Variants in CCN3 observed in about 807,000 individuals in gnomAD.
The protein encoded by CCN3 is cellular communication network factor 3.
A neutral mutation model predicts 33.4 loss-of-function variants in CCN3; 20 were observed. The ratio of observed to expected loss-of-function variants is 0.60; its 90% CI spans 0.42 to 0.87. The LOEUF (loss-of-function observed/expected upper bound fraction) is 0.87, where lower values mean the gene tolerates loss of function less well. Ranked by LOEUF, CCN3 falls within the 40% of genes least tolerant of loss-of-function variation. The pLI is 0.00. For synonymous variants in CCN3, 205 were observed against 170.4 expected (o/e 1.20, Z -1.58); for missense variants, 465 against 455.3 (o/e 1.02, Z -0.19).
chr8:119,418,385 A>G, intron 3 of CCN3, 76 bp downstream of exon 3: 1 of 1,539,500 alleles, frequency 6.5e-7, no homozygotes, highest in South Asian at 1.3e-5. Flanking sequence ...AATCTCTTGG[A>G]TTTGAAAAGA....
intron 2 of CCN3, 50 bp from the exon 3 acceptor site, chr8:119,418,006 CTT>C: frequency 6.4e-7 from 1 of 1,557,614 alleles, no homozygotes; most frequent in Non-Finnish European, 8.8e-7. Context: ...GTATTGTGTT[CTT>C]GTTTTTCCTC....
rs766858025 is a variant in CCN3, at chr8:119,416,854, G to A, written c.195G>A (p.Leu65=). Residue 65 remains leucine (L), a synonymous_variant, in exon 2 of 5, where the codon CTG becomes CTA. Transcript: ENST00000259526. ...TGCTGGACGGCTGCTCATGCTGTCT[G>A]GTGTGTGCCCGCCAGCGTGGCGAGA... ...RAVLDGCSCC[L]VCARQRGESC... 8 of 1,613,268 alleles carry A rather than the reference G, an allele frequency of 5.0e-6. No individual in the cohort carries two copies. The highest frequency in any genetic ancestry group is 6.8e-6 in the Non-Finnish European group (8 of 1,179,890).
At chr8:119,421,316 G>T (rs935150972) in intron 4 of CCN3, among the ~76,000 whole-genome samples, 1 of 152,134 alleles carries the variant, frequency 6.6e-6, no homozygotes, top group South Asian at 2.1e-4. Context: ...GCCGACAGTG[G>T]TTCTTAAAGG....
At chr8:119,419,484 G>A in intron 4 of CCN3, 139 bp downstream of exon 4, 2 of 772,476 alleles carry the variant, frequency 2.6e-6, no homozygotes, top group Admixed American at 2.8e-5. Context: ...AAAAGGCAGT[G>A]GGGTTCTTGA....
At chr8:119,420,710 C>G (rs1191507267) in intron 4 of CCN3, among the ~76,000 whole-genome samples, 4 of 152,074 alleles carry the variant, frequency 2.6e-5, no homozygotes, top group Admixed American at 1.3e-4. Context: ...TGGGTGTTGA[C>G]AAGAATACAC....
rs1249095609 is a variant in CCN3 at position 119,422,830 on chromosome 8, T to C, written c.778-6T>C. 6.3e-7 allele frequency: 1 copy of C among 1,592,156 alleles called. No individual in the cohort carries two copies. Among genetic ancestry groups the C allele is most frequent in the Non-Finnish European group, 8.6e-7 (1 of 1,167,654 alleles). ...TTCAATACATCACTTCTTTTTTCTT[T>C]CTTAGAAAGGAAAAAAGTGTCTCCG... On this transcript the variant is annotated splice_polypyrimidine_tract_variant and splice_region_variant and intron_variant, in intron 4 of 4. Coordinates refer to ENST00000259526, the MANE Select transcript of CCN3 (RefSeq NM_002514.4).
At chr8:119,416,692 C>T in intron 1 of CCN3, 52 bp from the exon 2 acceptor site, 1 of 1,579,604 alleles carries the variant, frequency 6.3e-7, no homozygotes, top group African/African-American at 1.3e-5. Flanking sequence ...ACCGGGCTCA[C>T]TGCGTCTTCT....
intron 4 of CCN3, among the ~76,000 whole-genome samples, chr8:119,421,600 A>C (rs1332262216): frequency 6.6e-6 from 1 of 152,250 alleles, no homozygotes; most frequent in Non-Finnish European, 1.5e-5. Flanking sequence ...AAATATAAGT[A>C]AGAAATAAAA....
At position 119,419,197 on chromosome 8, in the gene CCN3, CCA is replaced by C; in HGVS notation, c.632_633del (p.Thr211ArgfsTer20). Reference sequence around the variant, plus strand: ...TCAAGTGTCAACTGCATTGAACAGACCACAGAGTGGACAGCATGCTCCAAGAG... The same window carrying C: ...TCAAGTGTCAACTGCATTGAACAGACCAGAGTGGACAGCATGCTCCAAGAG... On this transcript the variant is annotated frameshift_variant, in exon 4 of 5. Coordinates refer to ENST00000259526, the MANE Select transcript of CCN3 (RefSeq NM_002514.4). LOFTEE classifies it high-confidence loss of function. 1 of 1,614,216 alleles carries C rather than the reference CCA, an allele frequency of 6.2e-7. No homozygotes were observed. The highest frequency in any genetic ancestry group is 8.5e-7 in the Non-Finnish European group (1 of 1,180,040).
chr8:119,419,418 T>G, intron 4 of CCN3, 73 bp downstream of exon 4: 1 of 1,432,268 alleles, frequency 7.0e-7, no homozygotes, highest in Non-Finnish European at 9.8e-7. Flanking sequence ...CTTCAGAAAG[T>G]CACTGTGTCA....
At chr8:119,418,752 TC>T (rs1820086487) in intron 3 of CCN3, among the ~76,000 whole-genome samples, 1 of 152,230 alleles carries the variant, frequency 6.6e-6, no homozygotes, top group South Asian at 2.1e-4. Flanking sequence ...AAAAGTGTCA[TC>T]TTTCTAGATG....
chr8:119,417,278 C>T (rs1204817701), intron 2 of CCN3, among the ~76,000 whole-genome samples: 2 of 152,082 alleles, frequency 1.3e-5, no homozygotes, highest in African/African-American at 4.8e-5. Context: ...TCATTTCCTT[C>T]GGACACTTCT....
In CCN3 at chr8:119,419,192, A is replaced by C. The variant is rs1174338590; in HGVS notation, c.624A>C (p.Glu208Asp). The change falls in exon 4 of 5, where the codon GAA becomes GAC. Residue 208 changes from glutamate (E) to aspartate (D), a missense_variant. By Grantham distance (45) the Glu-to-Asp change is conservative. Transcript: ENST00000259526. ...EVSDSSVNCI[E>D]QTTEWTACSK... ...CTGACTCAAGTGTCAACTGCATTGA[A>C]CAGACCACAGAGTGGACAGCATGCT... is the stretch of plus-strand genomic sequence containing the variant. 6.2e-7 allele frequency: 1 copy of C among 1,614,238 alleles called. No homozygotes were observed. Among genetic ancestry groups the C allele is most frequent in the Non-Finnish European group, 8.5e-7 (1 of 1,180,038 alleles).
At chr8:119,417,792 G>A (rs1050988993) in intron 2 of CCN3, among the ~76,000 whole-genome samples, 1 of 152,162 alleles carries the variant, frequency 6.6e-6, no homozygotes, top group Non-Finnish European at 1.5e-5. Flanking sequence ...GGACCTTGGG[G>A]ACATCACTTC....
At chr8:119,419,478 G>C in intron 4 of CCN3, 133 bp downstream of exon 4, 1 of 807,720 alleles carries the variant, frequency 1.2e-6, no homozygotes, top group Non-Finnish European at 1.9e-6. Context: ...CCAGAGAAAA[G>C]GCAGTGGGGT....
intron 4 of CCN3, among the ~76,000 whole-genome samples, chr8:119,421,458 A>G (rs1342958847): frequency 6.6e-6 from 1 of 152,202 alleles, no homozygotes; most frequent in Non-Finnish European, 1.5e-5. Context: ...GAAATCCTCT[A>G]GATGATTTTG....
In CCN3 at chr8:119,416,656, C is replaced by T. The variant is rs77298763; in HGVS notation, c.84+40C>T. 4,588 of 1,601,156 alleles carry T rather than the reference C, an allele frequency of 2.9e-3. 124 individuals carry two copies. The African/African-American group carries it at 0.055, about 19-fold the overall frequency. The stretch of plus-strand genomic sequence containing the variant: ...CTTAAGATGCCCCCAAGTTACTTTG[C>T]CCGCCTTGGTGGCCCCCATTTGGTC... On this transcript the variant is annotated intron_variant, in intron 1 of 4. Coordinates refer to ENST00000259526, the MANE Select transcript of CCN3 (RefSeq NM_002514.4).
At position 119,418,178 on chromosome 8, in the gene CCN3, G is replaced by A. The variant is rs1301078897; in HGVS notation, c.431G>A (p.Cys144Tyr). Reference sequence around the variant, plus strand: ...GGGCAGATTGGCTGTGTGCCCCGCTGTCAGCTGGATGTGCTACTGCCTGAG... The same window carrying A: ...GGGCAGATTGGCTGTGTGCCCCGCTATCAGCTGGATGTGCTACTGCCTGAG... ...RDGQIGCVPR[C>Y]QLDVLLPEPN... Residue 144 changes from cysteine to tyrosine, a missense_variant, in exon 3 of 5, where the codon TGT becomes TAT. Transcript: ENST00000259526. 6.2e-7 allele frequency: 1 copy of A among 1,614,084 alleles called. No individual in the cohort carries two copies. Among genetic ancestry groups the A allele is most frequent in the African/African-American group, 1.3e-5 (1 of 74,932 alleles).
chr8:119,421,008 G>GTTTTTTT (rs1374790764), intron 4 of CCN3, among the ~76,000 whole-genome samples: 1 of 113,716 alleles, frequency 8.8e-6, no homozygotes, highest in African/African-American at 3.7e-5. Flanking sequence ...TAAGACAGTG[G>GTTTTTTT]TTCTTTTTTT....
Sources: allele counts gnomAD v4.1 joint callset (sites outside exome capture counted in the v4.1 genomes callset), GRCh38; gene constraint gnomAD v4.1.1; transcripts MANE v1.5; gene names NCBI Gene and HGNC (gene_info 2026-07-23, HGNC 2026-07-21).